The following SLC7A1 variants were observed in gnomAD, a reference collection of about 807,000 sequenced individuals.
SLC7A1 encodes high affinity cationic amino acid transporter 1.
Under a neutral mutation model 53.9 loss-of-function variants are expected in SLC7A1, and 10 were observed. The ratio of observed to expected loss-of-function variants is 0.19; its 90% confidence interval spans 0.11 to 0.31. The LOEUF (loss-of-function observed/expected upper bound fraction) is 0.31, where lower values mean the gene tolerates loss of function less well. Among genes scored for constraint, SLC7A1 ranks in the 10% least tolerant of loss-of-function variants. SLC7A1 has a pLI of 1.00. For synonymous variants in SLC7A1, 342 were observed against 338.7 expected, an observed-to-expected ratio of 1.01 and a Z score of -0.11; for missense variants, 525 against 827.2, an observed-to-expected ratio of 0.63 and a Z score of 4.48.
intron 8 of SLC7A1, among the ~76,000 whole-genome samples, chr13:29,521,938 C>T (rs1316435260): frequency 4.6e-5 from 7 of 152,024 alleles, no homozygotes; most frequent in Admixed American, 1.3e-4. Context: ...AAATGGACGC[C>T]GAATTTCCAG....
At chr13:29,581,258 G>A (rs550425450) in intron 1 of SLC7A1, among the ~76,000 whole-genome samples, 59 of 152,250 alleles carry the variant, frequency 3.9e-4, no homozygotes, top group African/African-American at 1.3e-3. Flanking sequence ...TTTGATCAAG[G>A]AATGTTCTGG....
chr13:29,536,218 A>G lies in SLC7A1; in HGVS notation c.-14-16T>C. ...CTGTTCAGAGCTGTTGAAAAAGAACAAAGATGTTTCCTGATTGCTCCTCAT... is the reference window on the plus strand; with the variant it reads ...CTGTTCAGAGCTGTTGAAAAAGAACGAAGATGTTTCCTGATTGCTCCTCAT... On this transcript the variant is annotated splice_polypyrimidine_tract_variant and intron_variant, in intron 2 of 12. Coordinates refer to ENST00000380752, the MANE Select transcript of SLC7A1 (RefSeq NM_003045.5). 6.3e-7 allele frequency: 1 copy of G among 1,590,322 alleles called. No homozygotes were observed. Among genetic ancestry groups the G allele is most frequent in the South Asian group, 1.1e-5 (1 of 88,440 alleles).
intron 5 of SLC7A1, among the ~76,000 whole-genome samples, chr13:29,529,871 C>A (rs2139092396): frequency 6.6e-6 from 1 of 151,856 alleles, no homozygotes; most frequent in South Asian, 2.1e-4. Flanking sequence ...GCTTTTTTTT[C>A]CTAGGTTATC....
intron 8 of SLC7A1, among the ~76,000 whole-genome samples, chr13:29,522,113 C>A (rs975220950): frequency 5.3e-5 from 8 of 152,182 alleles, no homozygotes; most frequent in Admixed American, 2.6e-4. Context: ...TTCAAAAATT[C>A]TCTCCCATCC....
In SLC7A1 at chr13:29,530,633, G is replaced by T. The variant is rs1194938671; in HGVS notation, c.609C>A (p.Phe203Leu). Reference protein sequence around the residue: ...FTCINVLVLGFIMVSGFVKGS... With the variant: ...FTCINVLVLGLIMVSGFVKGS... ...CTTTCACAAATCCTGACACCATTAT[G>T]AAGCCCAGGACCAGGACGTTAATAC... Residue 203 changes from phenylalanine (F) to leucine (L), a missense_variant, in exon 5 of 13, where the codon TTC (phenylalanine) becomes TTA (leucine). Phe to Leu is a conservative substitution (Grantham distance 22). This residue lies in a region of SLC7A1 where 354 missense variants were observed against 587.5 expected (regional missense o/e 0.60). Transcript: ENST00000380752. 6.2e-7 allele frequency: 1 copy of T among 1,613,920 alleles called. No homozygotes were observed.
At chr13:29,564,403 G>A (rs1183751987) in intron 1 of SLC7A1, among the ~76,000 whole-genome samples, 1 of 152,164 alleles carries the variant, frequency 6.6e-6, no homozygotes, top group Non-Finnish European at 1.5e-5. Context: ...TTATACAGCT[G>A]TTACAATTGC....
At chr13:29,559,584 C>G (rs376371336) in intron 1 of SLC7A1, among the ~76,000 whole-genome samples, 8 of 151,772 alleles carry the variant, frequency 5.3e-5, no homozygotes, top group African/African-American at 1.9e-4. Flanking sequence ...TAGGACATGA[C>G]TGCACACTGC....
At chr13:29,548,293 C>A (rs1011788701) in intron 2 of SLC7A1, among the ~76,000 whole-genome samples, 1 of 152,194 alleles carries the variant, frequency 6.6e-6, no homozygotes. Context: ...TAGGCACACA[C>A]GGTTAGGAGC....
chr13:29,588,511 T>TC (rs1041544844), intron 1 of SLC7A1, among the ~76,000 whole-genome samples: 6 of 150,696 alleles, frequency 4.0e-5, no homozygotes, highest in Non-Finnish European at 7.4e-5. Context: ...TTTCTTTCTT[T>TC]TTTTTTTTTT....
At chr13:29,525,538 G>T (rs1176002670) in intron 5 of SLC7A1, among the ~76,000 whole-genome samples, 1 of 152,228 alleles carries the variant, frequency 6.6e-6, no homozygotes, top group African/African-American at 2.4e-5. Context: ...TTACTCACTG[G>T]CTGATAAAAC....
chr13:29,554,784 T>C (rs1870356974), intron 1 of SLC7A1, among the ~76,000 whole-genome samples: 1 of 152,236 alleles, frequency 6.6e-6, no homozygotes. Context: ...TTCCCACAAT[T>C]GGAATCTTAT....
rs1454347805 is a variant in SLC7A1, at chr13:29,511,201, GA to G, written c.*3278del. 3 of 152,788 alleles carry G rather than the reference GA, an allele frequency of 2.0e-5. No homozygotes were observed. Among genetic ancestry groups the G allele is most frequent in the Non-Finnish European group, 4.4e-5 (3 of 68,566 alleles). The allele number at this position is 152,788 out of a possible 1,614,324, so 9.5% of individuals were successfully genotyped here. ...GGCCTTGGTGGCTGGGGTAGGTGGA[GA>G]AGCCCGCTGCCCCCACCATCCTGCG... On this transcript the variant is annotated 3_prime_UTR_variant, in exon 13 of 13. Coordinates refer to ENST00000380752, the MANE Select transcript of SLC7A1 (RefSeq NM_003045.5).
chr13:29,545,612 A>G (rs1004847851), intron 2 of SLC7A1, among the ~76,000 whole-genome samples: 3 of 147,350 alleles, frequency 2.0e-5, no homozygotes, highest in African/African-American at 8.1e-5. Context: ...AATTCCTCAT[A>G]ATAATATTTT....
intron 1 of SLC7A1, among the ~76,000 whole-genome samples, chr13:29,585,616 A>G (rs1871848852): frequency 6.6e-6 from 1 of 152,174 alleles, no homozygotes; most frequent in Non-Finnish European, 1.5e-5. Flanking sequence ...TGTGCGGGTA[A>G]CCAGTAGTCC....
chr13:29,553,108 C>T (rs1206980342), intron 2 of SLC7A1, among the ~76,000 whole-genome samples: 1 of 152,166 alleles, frequency 6.6e-6, no homozygotes, highest in African/African-American at 2.4e-5. Context: ...TGCCCTAGAG[C>T]AGATGGTTAC....
intron 1 of SLC7A1, among the ~76,000 whole-genome samples, chr13:29,560,525 T>C (rs1310043506): frequency 6.6e-6 from 1 of 151,466 alleles, no homozygotes; most frequent in African/African-American, 2.4e-5. Flanking sequence ...TATGTATGTA[T>C]TACTATTACA....
At chr13:29,531,141 G>T (rs1050980096) in intron 4 of SLC7A1, among the ~76,000 whole-genome samples, 3 of 152,172 alleles carry the variant, frequency 2.0e-5, no homozygotes, top group Admixed American at 6.5e-5. Context: ...TAGTTTCCTG[G>T]GAGAATGGAC....
chr13:29,577,198 G>A (rs966342649), intron 1 of SLC7A1, among the ~76,000 whole-genome samples: 1 of 152,196 alleles, frequency 6.6e-6, no homozygotes, highest in Non-Finnish European at 1.5e-5. Context: ...CACCTCAGTA[G>A]CCACCTTCTC....
chr13:29,517,001 C>G, intron 11 of SLC7A1, 143 bp downstream of exon 11: 2 of 691,652 alleles, frequency 2.9e-6, no homozygotes, highest in Non-Finnish European at 4.7e-6. Flanking sequence ...CTTCAGGACC[C>G]CTGCCCCATC....
Sources: gnomAD v4.1 joint callset for allele counts (sites outside exome capture counted in the v4.1 genomes callset) on GRCh38, gnomAD v4.1.1 for gene constraint, gnomAD v4.1.1 regional missense constraint, MANE v1.5 for transcripts, NCBI Gene and HGNC (gene_info 2026-07-23, HGNC 2026-07-21) for gene names.